Variants in MAPK14 observed in about 807,000 individuals in gnomAD.
MAPK14 encodes CSAID-binding protein.
MAPK14 carries 16 observed loss-of-function variants against 49.6 expected under a neutral mutation model. The observed-to-expected ratio is 0.32, with a 90% CI of 0.22 to 0.49. The LOEUF is 0.49. Ranked by LOEUF, MAPK14 falls within the 20% of genes least tolerant of loss-of-function variation. MAPK14 has a pLI of 0.99. For missense variants in MAPK14, 200 were observed against 441.2 expected, an observed-to-expected ratio of 0.45 and a Z score of 4.90; for synonymous variants, 142 against 158.0, an observed-to-expected ratio of 0.90 and a Z score of 0.76.
At chr6:36,029,880 GTATATACATATTATATAGGTATATA>G (rs1762468891) in intron 1 of MAPK14, among the ~76,000 whole-genome samples, 3 of 118,566 alleles carry the variant, frequency 2.5e-5, no homozygotes, top group South Asian at 4.9e-4. Flanking sequence ...TTTACATTCA[GTATATACATATTATATAGGTATATA>G]CATTCAGTAT....
chr6:36,082,353 G>A (rs1427724544), intron 8 of MAPK14, among the ~76,000 whole-genome samples: 1 of 152,182 alleles, frequency 6.6e-6, no homozygotes, highest in Non-Finnish European at 1.5e-5. Flanking sequence ...TATGATGTTA[G>A]CTGTTGGTTT....
At position 36,028,650 on chromosome 6, in the gene MAPK14, C is replaced by G. The variant is rs1044719760; in HGVS notation, c.116+377C>G. On this transcript the variant is annotated intron_variant, in intron 1 of 11. Transcript: ENST00000229794. The surrounding 1 kb of genome is among the most constrained non-coding windows in gnomAD (Gnocchi z 5.1). ...AGCAGAAGGACCCTCTCCCGTGATGCGCCCACGCTGGGGCTCCGGACCCTG... is the reference window on the plus strand; with the variant it reads ...AGCAGAAGGACCCTCTCCCGTGATGGGCCCACGCTGGGGCTCCGGACCCTG... 6.6e-5 allele frequency among the ~76,000 whole-genome samples: 10 copies of G among 152,204 alleles called. No individual in the cohort carries two copies. The highest frequency in any genetic ancestry group is 2.4e-4 in the African/African-American group (10 of 41,462).
downstream of MAPK14, among the ~76,000 whole-genome samples, chr6:36,113,922 C>T (rs910349061): frequency 6.6e-6 from 1 of 152,220 alleles, no homozygotes; most frequent in Non-Finnish European, 1.5e-5. Context: ...CGCACCAGTA[C>T]TTTGTAGCGG....
intron 8 of MAPK14, among the ~76,000 whole-genome samples, chr6:36,088,604 C>T (rs1765086960): frequency 6.6e-6 from 1 of 151,944 alleles, no homozygotes; most frequent in Admixed American, 6.6e-5. Flanking sequence ...CGCCTGTAGT[C>T]CCAGCTACTC....
At chr6:36,116,822 A>G in the MAPK14 span, among the ~76,000 whole-genome samples, 3 of 152,058 alleles carry the variant, frequency 2.0e-5, no homozygotes, top group Non-Finnish European at 4.4e-5. Context: ...AGTTCTTTTA[A>G]TGAACTGCTA....
At chr6:36,117,932 C>T in the MAPK14 span, among the ~76,000 whole-genome samples, 1 of 152,216 alleles carries the variant, frequency 6.6e-6, no homozygotes, top group African/African-American at 2.4e-5. Flanking sequence ...CCTGTTTTTA[C>T]AATCAATAGT....
At chr6:36,066,058 A>G (rs2127433931) in intron 3 of MAPK14, among the ~76,000 whole-genome samples, 1 of 152,310 alleles carries the variant, frequency 6.6e-6, no homozygotes, top group Non-Finnish European at 1.5e-5. Context: ...GAGCAGTTCT[A>G]TAAAAACTCT....
At chr6:36,074,150 G>C in intron 6 of MAPK14, 54 bp downstream of exon 6, 1 of 1,411,160 alleles carries the variant, frequency 7.1e-7, no homozygotes, top group South Asian at 1.2e-5. Flanking sequence ...TTATATGTTT[G>C]ACTAAGCAGG....
Position 36,108,557 on chromosome 6 carries a change from G to A in MAPK14, c.*110G>A. On this transcript the variant is annotated 3_prime_UTR_variant, in exon 12 of 12. Transcript: ENST00000229794. Reference sequence around the variant, plus strand: ...CTCTTGTTGCAGAGATTTCCTCCATGGTGGAAGGGGGTGTGCGTGCGTGTG... The same window carrying A: ...CTCTTGTTGCAGAGATTTCCTCCATAGTGGAAGGGGGTGTGCGTGCGTGTG... The A allele has an allele frequency of 1.2e-6, 1 of 866,960 alleles. No homozygotes were observed. The highest frequency in any genetic ancestry group is 1.9e-6 in the Non-Finnish European group (1 of 514,036). The allele number at this position is 866,960 out of a possible 1,614,324, so 53.7% of individuals were successfully genotyped here.
chr6:36,076,788 G>A (rs1408957577), intron 8 of MAPK14, 180 bp downstream of exon 8: 3 of 449,788 alleles, frequency 6.7e-6, no homozygotes, highest in Admixed American at 4.1e-5. Context: ...AGAGGCTTCA[G>A]TTTACTTTTG....
At chr6:36,031,607 G>T (rs953460164) in intron 1 of MAPK14, among the ~76,000 whole-genome samples, 3 of 152,024 alleles carry the variant, frequency 2.0e-5, no homozygotes, top group Admixed American at 6.5e-5. Context: ...GTTTCACCAT[G>T]TTGGCCAGGC....
At chr6:36,084,432 A>G (rs140399553) in intron 8 of MAPK14, among the ~76,000 whole-genome samples, 96 of 152,324 alleles carry the variant, frequency 6.3e-4, no homozygotes, top group African/African-American at 2.1e-3. Flanking sequence ...AACCCAATGC[A>G]AAGAATCTAA....
intron 1 of MAPK14, among the ~76,000 whole-genome samples, chr6:36,050,563 TGACA>T (rs1763354451): frequency 6.6e-6 from 1 of 152,152 alleles, no homozygotes; most frequent in South Asian, 2.1e-4. Flanking sequence ...CCAAGAATGA[TGACA>T]GAAGTTGAGA....
At chr6:36,079,412 A>G (rs1764658207) in intron 8 of MAPK14, among the ~76,000 whole-genome samples, 1 of 152,200 alleles carries the variant, frequency 6.6e-6, no homozygotes, top group Non-Finnish European at 1.5e-5. Context: ...AGGGGTGTCC[A>G]ATCTTCTGGC....
chr6:36,059,184 C>T, intron 2 of MAPK14, 105 bp from the exon 3 acceptor site: 1 of 697,302 alleles, frequency 1.4e-6, no homozygotes, highest in Non-Finnish European at 2.3e-6. Flanking sequence ...GCCACTGCTC[C>T]CGGCCTAGAC....
intron 1 of MAPK14, among the ~76,000 whole-genome samples, chr6:36,030,074 T>C (rs1033246933): frequency 6.6e-6 from 1 of 152,228 alleles, no homozygotes; most frequent in Non-Finnish European, 1.5e-5. Flanking sequence ...CATACATTTC[T>C]GTAGTATCAC....
chr6:36,104,717 C>G (rs530314024), intron 10 of MAPK14, among the ~76,000 whole-genome samples: 1 of 152,284 alleles, frequency 6.6e-6, no homozygotes, highest in Non-Finnish European at 1.5e-5. Context: ...TCATTCTGTT[C>G]TGAAGTTGTT....
intron 8 of MAPK14, among the ~76,000 whole-genome samples, chr6:36,077,244 C>A (rs555567461): frequency 2.0e-5 from 3 of 152,036 alleles, no homozygotes; most frequent in African/African-American, 7.2e-5. Flanking sequence ...TTCCTATCTG[C>A]GGTATGCTTG....
intron 2 of MAPK14, among the ~76,000 whole-genome samples, chr6:36,054,074 C>T (rs992759634): frequency 2.6e-5 from 4 of 151,810 alleles, no homozygotes; most frequent in Admixed American, 2.0e-4. Flanking sequence ...TTGAGATATG[C>T]GGAAAAAGCT....
Sources: gnomAD v4.1 joint callset for allele counts (sites outside exome capture counted in the v4.1 genomes callset) on GRCh38, gnomAD v4.1.1 for gene constraint, Gnocchi (gnomAD v3.1) non-coding constraint, MANE v1.5 for transcripts, NCBI Gene and HGNC (gene_info 2026-07-23, HGNC 2026-07-21) for gene names.